Variants in PRKCE observed in about 807,000 individuals in gnomAD.
The protein encoded by PRKCE is protein kinase C epsilon, also known as protein kinase C epsilon type.
In PRKCE, 16 loss-of-function variants were observed where a neutral mutation model predicts 85.4. That is an observed-to-expected ratio of 0.19 (90% CI 0.13 to 0.28). The LOEUF (loss-of-function observed/expected upper bound fraction) is 0.28. Ranked by LOEUF, PRKCE falls within the 10% of genes least tolerant of loss-of-function variation. PRKCE has a pLI of 1.00. For missense variants in PRKCE, 573 were observed against 975.2 expected (o/e 0.59, Z 5.49); for synonymous variants, 388 against 371.5 (o/e 1.04, Z -0.51).
chr2:45,716,694 G>GA (rs1332317834), intron 1 of PRKCE, among the ~76,000 whole-genome samples: 156 of 98,874 alleles, frequency 1.6e-3, no homozygotes, highest in East Asian at 2.4e-3. Flanking sequence ...AAGAAGAGAA[G>GA]GAAGGAAGGA....
Position 45,743,511 on chromosome 2 carries a change from C to G in PRKCE, c.348+91063C>G, listed in dbSNP as rs1043490852. ...GGAGCTTTCGAGAGTAGACTTGATG[C>G]TTTTTTGCCTTTGAAGTTGCTCCGG... On this transcript the variant is annotated intron_variant, in intron 1 of 14. Transcript: ENST00000306156. Among the ~76,000 whole-genome samples the G allele has an allele frequency of 5.3e-5, 8 of 151,744 alleles. No individual in the cohort carries two copies. In the East Asian group the frequency reaches 1.5e-3, roughly 29 times the overall value.
intron 11 of PRKCE, among the ~76,000 whole-genome samples, chr2:46,133,688 C>T (rs371205196): frequency 5.3e-5 from 8 of 152,068 alleles, no homozygotes; most frequent in African/African-American, 1.4e-4. Flanking sequence ...ATCATCATTT[C>T]GTTCTGACAT....
chr2:45,972,245 C>G (rs754613143), intron 2 of PRKCE, among the ~76,000 whole-genome samples: 1 of 152,116 alleles, frequency 6.6e-6, no homozygotes, highest in Non-Finnish European at 1.5e-5. Flanking sequence ...TACCTGTATA[C>G]CTGTTGGCCA....
intron 10 of PRKCE, among the ~76,000 whole-genome samples, chr2:46,021,804 G>A (rs1008056703): frequency 3.3e-5 from 5 of 152,232 alleles, no homozygotes; most frequent in South Asian, 2.1e-4. Context: ...CCCAACGCCC[G>A]CCATCTATTG....
At chr2:45,829,290 G>A (rs367603363) in intron 1 of PRKCE, among the ~76,000 whole-genome samples, 6 of 152,230 alleles carry the variant, frequency 3.9e-5, no homozygotes, top group East Asian at 1.9e-4. Flanking sequence ...CGTCGGCAGC[G>A]TATAATAGTG....
At chr2:45,968,225 C>T (rs1701863290) in intron 2 of PRKCE, among the ~76,000 whole-genome samples, 1 of 141,070 alleles carries the variant, frequency 7.1e-6, no homozygotes, top group South Asian at 2.5e-4. Flanking sequence ...GCTCATCAGT[C>T]AATGAGTGGA....
chr2:45,947,956 G>T (rs1700351427), intron 2 of PRKCE, among the ~76,000 whole-genome samples: 1 of 152,190 alleles, frequency 6.6e-6, no homozygotes, highest in Non-Finnish European at 1.5e-5. Flanking sequence ...TATATGTGAA[G>T]TCCGCAGTGT....
At chr2:45,787,262 CAAT>C (rs1490206182) in intron 1 of PRKCE, among the ~76,000 whole-genome samples, 1 of 152,140 alleles carries the variant, frequency 6.6e-6, no homozygotes, top group Admixed American at 6.5e-5. Flanking sequence ...CACAGGAACT[CAAT>C]GATCACACCT....
intron 2 of PRKCE, among the ~76,000 whole-genome samples, chr2:45,874,559 C>A (rs1694331182): frequency 6.6e-6 from 1 of 152,252 alleles, no homozygotes; most frequent in Admixed American, 6.5e-5. Flanking sequence ...TCTTGTCTCA[C>A]TCTCTGGCTT....
intron 1 of PRKCE, among the ~76,000 whole-genome samples, chr2:45,821,075 C>T (rs1173517368): frequency 6.6e-6 from 1 of 152,128 alleles, no homozygotes; most frequent in Non-Finnish European, 1.5e-5. Flanking sequence ...GGAGGAGGCT[C>T]TTGGTTCAGG....
chr2:45,800,934 A>G (rs895917866), intron 1 of PRKCE, among the ~76,000 whole-genome samples: 2 of 152,250 alleles, frequency 1.3e-5, no homozygotes, highest in Admixed American at 6.5e-5. Flanking sequence ...GATCATTACA[A>G]TACCTGGAAA....
intron 1 of PRKCE, among the ~76,000 whole-genome samples, chr2:45,691,601 C>T (rs542344695): frequency 3.3e-5 from 5 of 152,310 alleles, no homozygotes; most frequent in Admixed American, 2.0e-4. Context: ...GAAAGTGCAT[C>T]AGTATCAATA....
intron 14 of PRKCE, among the ~76,000 whole-genome samples, chr2:46,181,638 T>C (rs1359706381): frequency 1.3e-5 from 2 of 152,244 alleles, no homozygotes; most frequent in African/African-American, 4.8e-5. Flanking sequence ...TTTACCACTA[T>C]GCTCAGTTGA....
In PRKCE at chr2:45,767,936, G is replaced by C. The variant is rs530827454; in HGVS notation, c.349-75064G>C. ...TGGATCCATGCAAAAATACCTCAAA[G>C]AGCAAAATTTGGCTTGATACCAAGC... On this transcript the variant is annotated intron_variant, in intron 1 of 14. Transcript: ENST00000306156. Among the ~76,000 whole-genome samples the C allele has an allele frequency of 3.3e-5, 5 of 152,278 alleles. No individual in the cohort carries two copies. In the South Asian group the frequency reaches 6.2e-4, roughly 19 times the overall value.
intron 1 of PRKCE, among the ~76,000 whole-genome samples, chr2:45,797,861 G>C (rs1687566890): frequency 6.6e-6 from 1 of 152,194 alleles, no homozygotes; most frequent in African/African-American, 2.4e-5. Flanking sequence ...AGGGGATCCA[G>C]GCCTTCTCAT....
intron 14 of PRKCE, among the ~76,000 whole-genome samples, chr2:46,178,817 T>TGA (rs1251627831): frequency 6.6e-6 from 1 of 152,072 alleles, no homozygotes; most frequent in Non-Finnish European, 1.5e-5. Flanking sequence ...GTAGGTACCT[T>TGA]GAGGGGTATG....
At chr2:46,049,995 G>T (rs539952874) in intron 10 of PRKCE, among the ~76,000 whole-genome samples, 1 of 151,980 alleles carries the variant, frequency 6.6e-6, no homozygotes, top group Admixed American at 6.5e-5. Context: ...GGGGGTAAAA[G>T]CTGGGCCCAC....
At chr2:45,984,766 G>T (rs1703175530) in intron 6 of PRKCE, 86 bp downstream of exon 6, 14 of 1,513,564 alleles carry the variant, frequency 9.2e-6, no homozygotes, top group African/African-American at 1.4e-5. Context: ...AAAAACCCTT[G>T]TCTGATTCCA....
chr2:45,859,508 C>T (rs1212672730), intron 2 of PRKCE, among the ~76,000 whole-genome samples: 1 of 152,142 alleles, frequency 6.6e-6, no homozygotes, highest in African/African-American at 2.4e-5. Flanking sequence ...TAAGTTTCTA[C>T]CAGTATGGTG....
Sources: gnomAD v4.1 joint callset for allele counts (sites outside exome capture counted in the v4.1 genomes callset) on GRCh38, gnomAD v4.1.1 for gene constraint, MANE v1.5 for transcripts, NCBI Gene and HGNC (gene_info 2026-07-23, HGNC 2026-07-21) for gene names.